CSMD1: variants seen among roughly 807,000 people sequenced by gnomAD.
CSMD1 encodes CUB and Sushi multiple domains 1.
A neutral mutation model predicts 417.5 loss-of-function variants in CSMD1; 213 were observed. That is an observed-to-expected ratio of 0.51 (90% confidence interval 0.46 to 0.57). The LOEUF (loss-of-function observed/expected upper bound fraction) is 0.57, where lower values mean the gene tolerates loss of function less well. CSMD1 is among the 20% of genes least tolerant of loss of function. The pLI is 0.00. For missense variants in CSMD1, 6,923 were observed against 4,529.7 expected, an observed-to-expected ratio of 1.53 and a Z score of -15.17; for synonymous variants, 2,862 against 1,736.8, an observed-to-expected ratio of 1.65 and a Z score of -16.11.
chr8:4,052,755 A>T (rs1363896870), intron 3 of CSMD1, among the ~76,000 whole-genome samples: 9 of 139,956 alleles, frequency 6.4e-5, no homozygotes, highest in African/African-American at 2.6e-4. Context: ...ACAAGTTTTA[A>T]AAAAAAATGG....
At chr8:4,208,526 A>G (rs1371031185) in intron 3 of CSMD1, among the ~76,000 whole-genome samples, 2 of 152,244 alleles carry the variant, frequency 1.3e-5, no homozygotes, top group Admixed American at 6.5e-5. Context: ...CCATAAGAAC[A>G]GATTATATTT....
chr8:4,598,822 T>G (rs1357622267), intron 2 of CSMD1, among the ~76,000 whole-genome samples: 3 of 152,112 alleles, frequency 2.0e-5, no homozygotes, highest in Non-Finnish European at 4.4e-5. Flanking sequence ...TAGAACAAAT[T>G]GTATTGTCCA....
chr8:4,404,670 C>G (rs529306380), intron 3 of CSMD1, among the ~76,000 whole-genome samples: 1 of 152,068 alleles, frequency 6.6e-6, no homozygotes, highest in Admixed American at 6.5e-5. Context: ...TTATCTTACA[C>G]TATATTAAAC....
At chr8:3,953,527 G>T (rs959807105) in intron 5 of CSMD1, among the ~76,000 whole-genome samples, 4 of 152,216 alleles carry the variant, frequency 2.6e-5, no homozygotes, top group Admixed American at 6.5e-5. Flanking sequence ...TAATGACATT[G>T]CCCTGAGTGG....
chr8:3,217,901 A>T (rs150134501), intron 29 of CSMD1, among the ~76,000 whole-genome samples: 51 of 152,308 alleles, frequency 3.3e-4, no homozygotes, highest in African/African-American at 1.1e-3. Context: ...AATAAATATA[A>T]ATATTTTCAT....
intron 1 of CSMD1, among the ~76,000 whole-genome samples, chr8:4,785,050 G>A (rs1369390070): frequency 2.0e-5 from 3 of 152,300 alleles, no homozygotes; most frequent in Admixed American, 2.0e-4. Context: ...ATTAGAAGTG[G>A]ATATTTATAT....
intron 3 of CSMD1, among the ~76,000 whole-genome samples, chr8:4,304,810 G>C (rs1475219663): frequency 1.3e-5 from 2 of 152,174 alleles, no homozygotes; most frequent in African/African-American, 2.4e-5. Context: ...CCTTGGTGCA[G>C]GTCATTCAGA....
At chr8:2,993,518 C>G (rs956913557) in intron 54 of CSMD1, among the ~76,000 whole-genome samples, 10 of 152,144 alleles carry the variant, frequency 6.6e-5, no homozygotes, top group African/African-American at 2.4e-4. Flanking sequence ...CCAACTGGAT[C>G]TACTTTAAAA....
At chr8:4,195,305 T>C (rs981614903) in intron 3 of CSMD1, among the ~76,000 whole-genome samples, 49 of 150,738 alleles carry the variant, frequency 3.3e-4, no homozygotes, top group African/African-American at 1.2e-3. Context: ...ATAATATTAA[T>C]AGGCAGAAAA....
At chr8:3,652,872 C>G (rs556235197) in intron 7 of CSMD1, among the ~76,000 whole-genome samples, 25 of 152,276 alleles carry the variant, frequency 1.6e-4, no homozygotes, top group African/African-American at 6.0e-4. Flanking sequence ...AGGGTGCACA[C>G]AGTCAGCACT....
At chr8:3,349,551 T>C (rs1217441631) in intron 21 of CSMD1, among the ~76,000 whole-genome samples, 2 of 151,924 alleles carry the variant, frequency 1.3e-5, no homozygotes, top group African/African-American at 4.8e-5. Flanking sequence ...GTGCAAGTGT[T>C]GAGGCGGAAG....
intron 7 of CSMD1, among the ~76,000 whole-genome samples, chr8:3,677,454 G>T (rs1162996859): frequency 6.6e-6 from 1 of 152,196 alleles, no homozygotes; most frequent in African/African-American, 2.4e-5. Flanking sequence ...TGTCAGGAAA[G>T]TCCTGGGTGA....
At chr8:4,090,675 T>C (rs773649291) in intron 3 of CSMD1, among the ~76,000 whole-genome samples, 11 of 152,222 alleles carry the variant, frequency 7.2e-5, no homozygotes, top group Non-Finnish European at 1.5e-4. Context: ...AGCACATCAA[T>C]TTCCTAATTT....
intron 5 of CSMD1, among the ~76,000 whole-genome samples, chr8:3,897,707 C>T (rs1025162646): frequency 1.3e-5 from 2 of 152,130 alleles, no homozygotes; most frequent in African/African-American, 4.8e-5. Flanking sequence ...CCCATAATCC[C>T]GTGAGGAAGC....
At chr8:4,764,328 A>C (rs1167854263) in intron 1 of CSMD1, among the ~76,000 whole-genome samples, 1 of 152,184 alleles carries the variant, frequency 6.6e-6, no homozygotes, top group Admixed American at 6.5e-5. Flanking sequence ...AAAATGTATA[A>C]ATTTAGAACC....
chr8:3,505,972 G>A (rs1373090143), intron 10 of CSMD1, among the ~76,000 whole-genome samples: 1 of 152,176 alleles, frequency 6.6e-6, no homozygotes, highest in African/African-American at 2.4e-5. Context: ...AAGGAAGAGG[G>A]TTGAGTGGAT....
At chr8:3,283,103 C>T (rs368348082) in intron 26 of CSMD1, among the ~76,000 whole-genome samples, 2 of 152,240 alleles carry the variant, frequency 1.3e-5, no homozygotes, top group East Asian at 1.9e-4. Context: ...TTATAGTTCA[C>T]GTGTGCAGAT....
intron 27 of CSMD1, among the ~76,000 whole-genome samples, chr8:3,226,399 A>G (rs1325752839): frequency 6.6e-6 from 1 of 152,094 alleles, no homozygotes; most frequent in African/African-American, 2.4e-5. Context: ...TCTGGCTAAC[A>G]TAGCAAAACC....
intron 1 of CSMD1, among the ~76,000 whole-genome samples, chr8:4,697,465 T>C (rs552818303): frequency 6.6e-6 from 1 of 152,128 alleles, no homozygotes. Context: ...ACGTAAAAAA[T>C]TTGGCAGCTA....
Sources: gnomAD v4.1 joint callset for allele counts (sites outside exome capture counted in the v4.1 genomes callset) on GRCh38, gnomAD v4.1.1 for gene constraint, MANE v1.5 for transcripts, NCBI Gene and HGNC (gene_info 2026-07-23, HGNC 2026-07-21) for gene names.